ANXA10: variants seen among roughly 807,000 people sequenced by gnomAD.
ANXA10 encodes the protein annexin A10.
A neutral mutation model predicts 53.5 loss-of-function variants in ANXA10; 49 were observed. The observed-to-expected ratio is 0.92, with a 90% CI of 0.73 to 1.16. The LOEUF (loss-of-function observed/expected upper bound fraction) is 1.16, where lower values mean the gene tolerates loss of function less well. Among genes scored for constraint, ANXA10 ranks in the 50% most tolerant of loss-of-function variants. The pLI, the probability that ANXA10 is intolerant of heterozygous loss-of-function variation, is 0.00. For missense variants in ANXA10, 393 were observed against 394.4 expected (o/e 1.00, Z 0.03); for synonymous variants, 131 against 128.9 (o/e 1.02, Z -0.11).
intron 6 of ANXA10, 131 bp from the exon 7 acceptor site, chr4:168,177,609 C>T (rs1732155034): frequency 3.7e-6 from 3 of 806,140 alleles, no homozygotes; most frequent in South Asian, 1.6e-5. Flanking sequence ...AGGAAATGAA[C>T]ACTTACTCCA....
At chr4:168,167,046 T>A (rs1244199335) in intron 6 of ANXA10, among the ~76,000 whole-genome samples, 3 of 152,140 alleles carry the variant, frequency 2.0e-5, no homozygotes, top group Non-Finnish European at 4.4e-5. Context: ...AATTGTCTAT[T>A]CTTTCATCCT....
At chr4:168,128,327 A>T (rs1731106050) in intron 2 of ANXA10, among the ~76,000 whole-genome samples, 162 bp downstream of exon 2, 1 of 152,156 alleles carries the variant, frequency 6.6e-6, no homozygotes, top group Admixed American at 6.6e-5. Flanking sequence ...TGAGAAGAAA[A>T]ATAATATAAA....
chr4:168,094,789 C>A (rs1730515606), intron 1 of ANXA10, among the ~76,000 whole-genome samples: 2 of 151,926 alleles, frequency 1.3e-5, no homozygotes, highest in Non-Finnish European at 2.9e-5. Context: ...GGTTACATTT[C>A]TGTAGGAGAT....
intron 6 of ANXA10, among the ~76,000 whole-genome samples, chr4:168,168,945 T>G (rs1731931267): frequency 6.6e-6 from 1 of 152,216 alleles, no homozygotes. Flanking sequence ...TATCTGTGGT[T>G]TGGCTACATA....
intron 1 of ANXA10, among the ~76,000 whole-genome samples, chr4:168,111,058 C>T (rs1428475685): frequency 3.3e-5 from 5 of 152,302 alleles, no homozygotes; most frequent in Non-Finnish European, 5.9e-5. Context: ...GATGACTGTG[C>T]TTTGTGAGTG....
At chr4:168,119,356 A>G (rs547983978) in intron 1 of ANXA10, among the ~76,000 whole-genome samples, 1 of 152,180 alleles carries the variant, frequency 6.6e-6, no homozygotes, top group Admixed American at 6.5e-5. Flanking sequence ...GGAATTACCA[A>G]AATGATTGCA....
In ANXA10 at chr4:168,165,269, G is replaced by A. The variant is rs1731855342; in HGVS notation, c.423G>A (p.Glu141=). 6.3e-6 allele frequency: 10 copies of A among 1,591,278 alleles called. No individual in the cohort carries two copies. Among genetic ancestry groups the A allele is most frequent in the Non-Finnish European group, 8.6e-6 (10 of 1,164,750 alleles). ...CAGAATACAGCAATAACCTCCAAGA[G>A]GACATTTATTCAGAGACCTCAGGAC... ...YCLQYSNNLQ[E]DIYSETSGHF... Residue 141 remains glutamate, a synonymous_variant, in exon 6 of 12, where the codon GAG becomes GAA. Transcript: ENST00000359299.
chr4:168,095,842 A>G (rs1045982588), intron 1 of ANXA10, among the ~76,000 whole-genome samples: 10 of 152,150 alleles, frequency 6.6e-5, no homozygotes, highest in African/African-American at 2.4e-4. Context: ...AGAGAAAAAA[A>G]TGCCTAGGTA....
At position 168,156,319 on chromosome 4, in the gene ANXA10, A is replaced by ATAGTATATATGT. The variant is rs1731677612; in HGVS notation, c.196-6207_196-6206insGTATATATGTTA. ...TATATTATATATAATAGTATATATAATATATAATATATTATATAGTATATA... is the reference window on the plus strand; with the variant it reads ...TATATTATATATAATAGTATATATAATAGTATATATGTTATATAATATATTATATAGTATATA... On this transcript the variant is annotated intron_variant, in intron 3 of 11. Coordinates refer to ENST00000359299, the MANE Select transcript of ANXA10 (RefSeq NM_007193.5). Among the ~76,000 whole-genome samples the ATAGTATATATGT allele has an allele frequency of 4.1e-5, 4 of 97,920 alleles. No homozygotes were observed. The South Asian group carries it at 1.1e-3, about 26-fold the overall frequency. The allele number at this position is 97,920 out of a possible 152,430, so 64.2% of individuals were successfully genotyped here. A position where few individuals can be genotyped will look rare whatever the true frequency, so the allele number is the denominator to read the frequency against.
intron 1 of ANXA10, among the ~76,000 whole-genome samples, chr4:168,108,840 A>G (rs971737529): frequency 1.3e-5 from 2 of 152,158 alleles, no homozygotes; most frequent in African/African-American, 4.8e-5. Context: ...GGTCTCCTTT[A>G]TGCTGACATC....
chr4:168,099,045 A>C (rs1459542581), intron 1 of ANXA10, among the ~76,000 whole-genome samples: 2 of 152,188 alleles, frequency 1.3e-5, no homozygotes, highest in South Asian at 2.1e-4. Context: ...ATAAGCCAGA[A>C]TGGAAGGCAT....
chr4:168,130,940 A>AAAC (rs1731147272), intron 2 of ANXA10, among the ~76,000 whole-genome samples: 1 of 151,806 alleles, frequency 6.6e-6, no homozygotes, highest in Non-Finnish European at 1.5e-5. Flanking sequence ...CCCCCAAAAA[A>AAAC]AACCAGCTTT....
At chr4:168,151,995 T>C (rs1731505386) in intron 3 of ANXA10, among the ~76,000 whole-genome samples, 1 of 152,232 alleles carries the variant, frequency 6.6e-6, no homozygotes, top group Admixed American at 6.5e-5. Flanking sequence ...ATTCATTTTG[T>C]ACCTATATTG....
chr4:168,128,295 A>G, intron 2 of ANXA10, 130 bp downstream of exon 2: 1 of 546,812 alleles, frequency 1.8e-6, no homozygotes, highest in Non-Finnish European at 3.1e-6. Flanking sequence ...AAAAAAAAAA[A>G]AAACTGAGCA....
chr4:168,173,590 T>C (rs1732059175), intron 6 of ANXA10, among the ~76,000 whole-genome samples: 1 of 152,214 alleles, frequency 6.6e-6, no homozygotes, highest in African/African-American at 2.4e-5. Flanking sequence ...AGGAGAGCAT[T>C]GGCAGTGGTG....
At chr4:168,108,501 A>G (rs1730752612) in intron 1 of ANXA10, among the ~76,000 whole-genome samples, 4 of 152,182 alleles carry the variant, frequency 2.6e-5, no homozygotes, top group African/African-American at 9.7e-5. Flanking sequence ...CATGGCAAAC[A>G]ATCTTCTCTT....
intron 6 of ANXA10, among the ~76,000 whole-genome samples, chr4:168,176,342 A>G (rs553949934): frequency 1.3e-5 from 2 of 152,226 alleles, no homozygotes; most frequent in African/African-American, 4.8e-5. Flanking sequence ...AGCCAAACTG[A>G]CCAGTTTGGT....
At chr4:168,169,863 C>T (rs756525816) in intron 6 of ANXA10, among the ~76,000 whole-genome samples, 5 of 152,116 alleles carry the variant, frequency 3.3e-5, no homozygotes, top group Non-Finnish European at 7.3e-5. Flanking sequence ...CTATAAACCA[C>T]CTAAAATAAC....
chr4:168,125,087 C>T (rs181219110), intron 1 of ANXA10, among the ~76,000 whole-genome samples: 1 of 152,198 alleles, frequency 6.6e-6, no homozygotes, highest in East Asian at 1.9e-4. Flanking sequence ...GTGTTTAAAG[C>T]CATTGAAACC....
Sources: allele counts gnomAD v4.1 joint callset (sites outside exome capture counted in the v4.1 genomes callset), GRCh38; gene constraint gnomAD v4.1.1; transcripts MANE v1.5; gene names NCBI Gene and HGNC (gene_info 2026-07-23, HGNC 2026-07-21).